RIGI: variants seen among roughly 807,000 people sequenced by gnomAD.
RIGI encodes antiviral innate immune response receptor RIG-I.
At chr9:32,479,178 A>C in the RIGI span, among the ~76,000 whole-genome samples, 2 of 152,226 alleles carry the variant, frequency 1.3e-5, no homozygotes, top group Admixed American at 1.3e-4. Flanking sequence ...AAACCACCAA[A>C]AGCATTCTAT....
At chr9:32,486,453 CAA>C in the RIGI span, among the ~76,000 whole-genome samples, 564 of 60,804 alleles carry the variant, frequency 9.3e-3, no homozygotes, top group African/African-American at 0.031. Flanking sequence ...GACTCTGTCT[CAA>C]AAAAAAAAAA....
At chr9:32,506,113 G>C in the RIGI span, among the ~76,000 whole-genome samples, 1 of 152,130 alleles carries the variant, frequency 6.6e-6, no homozygotes, top group South Asian at 2.1e-4. Flanking sequence ...AGCTACTCAG[G>C]AGGCTGAGGT....
At chr9:32,487,563 C>T in the RIGI span, 1 of 1,614,168 alleles carries the variant, frequency 6.2e-7, no homozygotes, top group African/African-American at 1.3e-5. Flanking sequence ...ACACAGCTTG[C>T]AGATATAATC....
At chr9:32,484,966 G>A in the RIGI span, among the ~76,000 whole-genome samples, 1 of 152,146 alleles carries the variant, frequency 6.6e-6, no homozygotes, top group Non-Finnish European at 1.5e-5. Context: ...GTGTCTGGAT[G>A]AACTTACTTT....
At chr9:32,510,756 A>G in the RIGI span, among the ~76,000 whole-genome samples, 1,006 of 152,356 alleles carry the variant, frequency 6.6e-3, 15 homozygotes, top group Admixed American at 0.018. Context: ...TTAAGTGTGA[A>G]TGGGCTAAAT....
the RIGI span, among the ~76,000 whole-genome samples, chr9:32,465,633 G>A: frequency 6.6e-6 from 1 of 152,182 alleles, no homozygotes; most frequent in East Asian, 1.9e-4. Flanking sequence ...GCAACTGCCT[G>A]AGGTCACACA....
At chr9:32,503,166 T>C in the RIGI span, among the ~76,000 whole-genome samples, 2 of 152,104 alleles carry the variant, frequency 1.3e-5, no homozygotes, top group South Asian at 4.1e-4. Context: ...TCCCTGCTGC[T>C]TGAGCTTCCT....
chr9:32,505,276 A>G, the RIGI span, among the ~76,000 whole-genome samples: 2 of 151,988 alleles, frequency 1.3e-5, no homozygotes, highest in Non-Finnish European at 2.9e-5. Context: ...AATAAGAAAA[A>G]TGTAAATCAA....
chr9:32,487,490 A>G, the RIGI span: 1 of 1,614,170 alleles, frequency 6.2e-7, no homozygotes, highest in South Asian at 1.1e-5. Flanking sequence ...GCTTATAAAC[A>G]ACTTGCTCCA....
chr9:32,500,710 G>A, the RIGI span: 8 of 1,453,748 alleles, frequency 5.5e-6, no homozygotes, highest in South Asian at 9.3e-5. Context: ...TGAACTATAA[G>A]TGGATACTTC....
chr9:32,488,123 A>G, the RIGI span: 1 of 1,614,132 alleles, frequency 6.2e-7, no homozygotes, highest in Non-Finnish European at 8.5e-7. Flanking sequence ...TGGAGTTAAA[A>G]TGATGATGTC....
the RIGI span, among the ~76,000 whole-genome samples, chr9:32,482,869 CAAG>C: frequency 6.0e-5 from 9 of 150,938 alleles, no homozygotes; most frequent in South Asian, 2.1e-4. Context: ...AAAAAAAAAT[CAAG>C]GAGGAGATTT....
the RIGI span, among the ~76,000 whole-genome samples, chr9:32,524,642 G>A: frequency 1.8e-5 from 2 of 111,158 alleles, no homozygotes; most frequent in South Asian, 3.1e-4. Flanking sequence ...AGAGTCTCAC[G>A]ATGTCACCCA....
At chr9:32,488,686 A>G in the RIGI span, 1 of 1,473,004 alleles carries the variant, frequency 6.8e-7, no homozygotes, top group East Asian at 2.4e-5. Flanking sequence ...AAACACATCA[A>G]TTACATGAAG....
the RIGI span, among the ~76,000 whole-genome samples, chr9:32,461,266 T>C: frequency 6.6e-6 from 1 of 152,214 alleles, no homozygotes; most frequent in Admixed American, 6.5e-5. Flanking sequence ...ACTGAGAATC[T>C]GTCATCAGCA....
chr9:32,476,919 G>C, the RIGI span: 5 of 1,406,602 alleles, frequency 3.6e-6, no homozygotes, highest in Non-Finnish European at 3.9e-6. Context: ...ACCATACCCA[G>C]CCCAATCTTT....
the RIGI span, among the ~76,000 whole-genome samples, chr9:32,519,027 T>C: frequency 0.1 from 15,448 of 152,208 alleles, 1,018 homozygotes; most frequent in Middle Eastern, 0.28. Context: ...AATTTCTTAA[T>C]TGCACAAAAT....
the RIGI span, among the ~76,000 whole-genome samples, chr9:32,514,828 C>G: frequency 0.1 from 15,247 of 152,188 alleles, 978 homozygotes; most frequent in Middle Eastern, 0.28. Flanking sequence ...ACGACCAATC[C>G]TTGCATTACA....
chr9:32,526,116 C>T, the RIGI span: 2 of 1,613,952 alleles, frequency 1.2e-6, no homozygotes, highest in Non-Finnish European at 1.7e-6. Context: ...CCAGGGTCTT[C>T]CGGATATAAT....
Sources: gnomAD v4.1 joint callset for allele counts (sites outside exome capture counted in the v4.1 genomes callset) on GRCh38, gnomAD v4.1.1 for gene constraint, MANE v1.5 for transcripts, NCBI Gene and HGNC (gene_info 2026-07-23, HGNC 2026-07-21) for gene names.